MSI2: variants seen among roughly 807,000 people sequenced by gnomAD.
The protein encoded by MSI2 is RNA-binding protein Musashi homolog 2.
Under a neutral mutation model 45.6 loss-of-function variants are expected in MSI2, and 17 were observed. The ratio of observed to expected loss-of-function variants is 0.37; its 90% CI spans 0.26 to 0.56. MSI2 has a LOEUF of 0.56. Ranked by LOEUF, MSI2 falls within the 20% of genes least tolerant of loss-of-function variation. MSI2 has a pLI of 0.77. For missense variants in MSI2, 293 were observed against 444.2 expected (o/e 0.66, Z 3.06); for synonymous variants, 156 against 158.2 (o/e 0.99, Z 0.11).
intron 5 of MSI2, among the ~76,000 whole-genome samples, chr17:57,354,937 T>C (rs1024736964): frequency 6.6e-6 from 1 of 152,160 alleles, no homozygotes; most frequent in Admixed American, 6.5e-5. Flanking sequence ...AAAATAAAGA[T>C]AGTCTGAAAA....
intron 8 of MSI2, among the ~76,000 whole-genome samples, chr17:57,597,521 C>G (rs1905372161): frequency 6.6e-6 from 1 of 150,622 alleles, no homozygotes; most frequent in Admixed American, 6.6e-5. Context: ...TGTACCCCAC[C>G]TACTCGAGGT....
intron 7 of MSI2, among the ~76,000 whole-genome samples, chr17:57,585,983 T>A (rs900183165): frequency 3.3e-5 from 5 of 152,246 alleles, no homozygotes; most frequent in Admixed American, 3.3e-4. Context: ...TGTCTAGCGA[T>A]TTAATTTGGT....
chr17:57,619,841 A>C (rs1472514250), intron 9 of MSI2, among the ~76,000 whole-genome samples: 1 of 152,206 alleles, frequency 6.6e-6, no homozygotes, highest in African/African-American at 2.4e-5. Context: ...TCACAGTTCA[A>C]GTTATGACTT....
chr17:57,256,621 G>A lies in MSI2; in HGVS notation c.-122G>A, dbSNP rs1338564202. On this transcript the variant is annotated 5_prime_UTR_variant, in exon 1 of 14. Transcript: ENST00000284073. ...CGCAGAGAGATTCGGAGGAGCCCGG[G>A]CGGGGGGGAGGAGGAGGGGGAGGAG... The A allele has an allele frequency of 4.6e-5, 21 of 451,792 alleles. No individual in the cohort carries two copies. The highest frequency in any genetic ancestry group is 4.1e-4 in the African/African-American group (19 of 46,748). The allele number at this position is 451,792 out of a possible 1,614,324, so 28.0% of individuals were successfully genotyped here.
chr17:57,696,269 G>T, the MSI2 span, among the ~76,000 whole-genome samples: 2 of 152,200 alleles, frequency 1.3e-5, no homozygotes, highest in South Asian at 4.1e-4. Flanking sequence ...CTGGCAAAGT[G>T]GCAATGTCAC....
chr17:57,495,548 A>AAG lies in MSI2; in HGVS notation c.406-34127_406-34126insGA, dbSNP rs1555613513. Among the ~76,000 whole-genome samples, 328 of 145,374 alleles carry AAG rather than the reference A, an allele frequency of 2.3e-3. 4 individuals are homozygous for AAG. The highest frequency in any genetic ancestry group is 8.5e-3 in the African/African-American group (316 of 36,990). On this transcript the variant is annotated intron_variant, in intron 6 of 13. Transcript: ENST00000284073. Reference sequence around the variant, plus strand: ...ACTCTGTCTCAAAAAAAAAAAAAAAAAAAAGAAAGCTTTACTTGGCTTCTC... The same window carrying AAG: ...ACTCTGTCTCAAAAAAAAAAAAAAAAAGAAAAGAAAGCTTTACTTGGCTTCTC...
chr17:57,650,259 C>A (rs1239349090), intron 10 of MSI2, among the ~76,000 whole-genome samples: 6 of 152,072 alleles, frequency 3.9e-5, no homozygotes, highest in Admixed American at 1.3e-4. Context: ...AGGAAACCCG[C>A]TGTTTTCAGC....
At chr17:57,362,632 C>T (rs983696407) in intron 5 of MSI2, among the ~76,000 whole-genome samples, 11 of 151,930 alleles carry the variant, frequency 7.2e-5, no homozygotes, top group African/African-American at 2.4e-4. Flanking sequence ...TTGGAGGAGC[C>T]ATGTGGTTCT....
At chr17:57,345,155 G>C (rs899731277) in intron 5 of MSI2, among the ~76,000 whole-genome samples, 13 of 152,168 alleles carry the variant, frequency 8.5e-5, no homozygotes, top group African/African-American at 2.9e-4. Context: ...TAAAGACCTA[G>C]GGTGCATAGT....
At chr17:57,374,574 C>T (rs188021782) in intron 5 of MSI2, among the ~76,000 whole-genome samples, 335 of 151,932 alleles carry the variant, frequency 2.2e-3, no homozygotes, top group Non-Finnish European at 2.8e-3. Context: ...GTCAGGAGTT[C>T]GAGACCAGCC....
chr17:57,278,949 G>A (rs1237484756), intron 5 of MSI2: 1 of 152,216 alleles, frequency 6.6e-6, no homozygotes, highest in African/African-American at 2.4e-5. Flanking sequence ...TGCAGACGTG[G>A]AGCTGTGGAC....
At chr17:57,351,861 A>G (rs1288860136) in intron 5 of MSI2, among the ~76,000 whole-genome samples, 1 of 152,232 alleles carries the variant, frequency 6.6e-6, no homozygotes, top group African/African-American at 2.4e-5. Flanking sequence ...TCACACACAC[A>G]CAAAACAAAA....
At chr17:57,663,672 C>T (rs1912166991) in intron 11 of MSI2, among the ~76,000 whole-genome samples, 1 of 152,218 alleles carries the variant, frequency 6.6e-6, no homozygotes, top group Non-Finnish European at 1.5e-5. Context: ...GGACCGGTGT[C>T]AGAGGAAACC....
At chr17:57,329,826 A>G (rs542123221) in intron 5 of MSI2, among the ~76,000 whole-genome samples, 12 of 152,246 alleles carry the variant, frequency 7.9e-5, no homozygotes, top group Admixed American at 3.9e-4. Context: ...GGCTCCTGGG[A>G]AAAACTGCCT....
intron 5 of MSI2, among the ~76,000 whole-genome samples, chr17:57,283,764 G>A (rs1909624198): frequency 6.6e-6 from 1 of 152,218 alleles, no homozygotes; most frequent in African/African-American, 2.4e-5. Flanking sequence ...GTTAAAGGAG[G>A]CAGAAGACCA....
intron 7 of MSI2, among the ~76,000 whole-genome samples, chr17:57,536,312 A>G (rs919910940): frequency 1.3e-5 from 2 of 152,190 alleles, no homozygotes; most frequent in Non-Finnish European, 2.9e-5. Context: ...GAATAAGTGT[A>G]TTTGACAAAA....
chr17:57,636,187 G>C (rs1013826226), intron 10 of MSI2, among the ~76,000 whole-genome samples: 6 of 152,154 alleles, frequency 3.9e-5, no homozygotes, highest in African/African-American at 1.4e-4. Flanking sequence ...GGGCTTGGAT[G>C]TGGAAATCAG....
Position 57,596,759 on chromosome 17 carries a change from C to T in MSI2, c.455-109C>T, listed in dbSNP as rs1018529703. ...TCCCAAGGATCCGCCTACCTACCCCCAGACCAGGAGGCTGTCAAGACCTCA... is the reference window on the plus strand; with the variant it reads ...TCCCAAGGATCCGCCTACCTACCCCTAGACCAGGAGGCTGTCAAGACCTCA... On this transcript the variant is annotated intron_variant, in intron 7 of 13. Coordinates refer to ENST00000284073, the MANE Select transcript of MSI2 (RefSeq NM_138962.4). The surrounding 1 kb of genome is among the most constrained non-coding windows in gnomAD (Gnocchi z 4.6). 6 of 735,058 alleles carry T rather than the reference C, an allele frequency of 8.2e-6. No homozygotes were observed. The African/African-American group carries it at 1.0e-4, about 13-fold the overall frequency. The allele number at this position is 735,058 out of a possible 1,614,324, so 45.5% of individuals were successfully genotyped here.
At chr17:57,607,660 TG>T (rs1906769686) in intron 8 of MSI2, among the ~76,000 whole-genome samples, 1 of 152,206 alleles carries the variant, frequency 6.6e-6, no homozygotes, top group Non-Finnish European at 1.5e-5. Flanking sequence ...GTTCTCGCGT[TG>T]CTATAAAGAA....
Sources: gnomAD v4.1 joint callset for allele counts (sites outside exome capture counted in the v4.1 genomes callset) on GRCh38, gnomAD v4.1.1 for gene constraint, Gnocchi (gnomAD v3.1) non-coding constraint, MANE v1.5 for transcripts, NCBI Gene and HGNC (gene_info 2026-07-23, HGNC 2026-07-21) for gene names.